TNR: variants seen among roughly 807,000 people sequenced by gnomAD.
TNR encodes tenascin-R.
A neutral mutation model predicts 150.4 loss-of-function variants in TNR; 45 were observed. That is an observed-to-expected ratio of 0.30 (90% CI 0.24 to 0.38). The LOEUF (loss-of-function observed/expected upper bound fraction) is 0.38. Ranked by LOEUF, TNR falls within the 10% of genes least tolerant of loss-of-function variation. TNR has a pLI of 1.00. For missense variants in TNR, 1,544 were observed against 1,759.1 expected, an observed-to-expected ratio of 0.88 and a Z score of 2.19; for synonymous variants, 687 against 678.4, an observed-to-expected ratio of 1.01 and a Z score of -0.20.
At chr1:175,472,314 CT>C (rs1368998712) in intron 2 of TNR, among the ~76,000 whole-genome samples, 1 of 152,080 alleles carries the variant, frequency 6.6e-6, no homozygotes, top group Admixed American at 6.5e-5. Context: ...TAGAATCCTC[CT>C]GAAGGACCGG....
rs968187882 is a variant in TNR at position 175,323,131 on chromosome 1, G to T, written c.*226C>A. The T allele has an allele frequency of 1.7e-5, 8 of 466,268 alleles. No homozygotes were observed. The highest frequency in any genetic ancestry group is 3.0e-5 in the Non-Finnish European group (8 of 270,624). 28.9% of individuals were successfully genotyped at this position (466,268 alleles called of 1,614,324 possible). A position where few individuals can be genotyped will look rare whatever the true frequency, so the allele number is the denominator to read the frequency against. ...CTCCTTGGTGGGAAAGGAGGTGAAG[G>T]TTGAGGAGGCCTGGGTAGGAGGGAG... On this transcript the variant is annotated 3_prime_UTR_variant, in exon 23 of 23. Coordinates refer to ENST00000367674, the MANE Select transcript of TNR (RefSeq NM_003285.3).
intron 2 of TNR, among the ~76,000 whole-genome samples, chr1:175,412,985 G>A (rs1425708046): frequency 6.6e-6 from 1 of 151,976 alleles, no homozygotes; most frequent in Non-Finnish European, 1.5e-5. Flanking sequence ...CTTCTGTATT[G>A]CAAAGAATGC....
chr1:175,614,563 C>T (rs1198123215), intron 1 of TNR, among the ~76,000 whole-genome samples: 1 of 152,192 alleles, frequency 6.6e-6, no homozygotes, highest in African/African-American at 2.4e-5. Context: ...TATTTCATCC[C>T]TCCTTTCTGG....
At chr1:175,464,747 C>T (rs768540044) in intron 2 of TNR, among the ~76,000 whole-genome samples, 4 of 152,168 alleles carry the variant, frequency 2.6e-5, no homozygotes, top group African/African-American at 2.4e-5. Context: ...AGAAAATGCT[C>T]GTTCTAATAG....
At chr1:175,460,990 T>A (rs1169698753) in intron 2 of TNR, among the ~76,000 whole-genome samples, 1 of 152,220 alleles carries the variant, frequency 6.6e-6, no homozygotes, top group East Asian at 1.9e-4. Context: ...CACATGTATG[T>A]GCACACACTG....
At chr1:175,658,278 T>G (rs1316799356) in intron 1 of TNR, among the ~76,000 whole-genome samples, 1 of 152,074 alleles carries the variant, frequency 6.6e-6, no homozygotes, top group African/African-American at 2.4e-5. Context: ...TTTGACTTTA[T>G]GGGGAGAAGA....
intron 1 of TNR, among the ~76,000 whole-genome samples, chr1:175,580,706 T>A (rs974794988): frequency 2.0e-5 from 3 of 152,238 alleles, no homozygotes; most frequent in Admixed American, 6.5e-5. Flanking sequence ...CATGATATTT[T>A]CACGTAATCT....
At position 175,631,602 on chromosome 1, in the gene TNR, C is replaced by A. The variant is rs192997685; in HGVS notation, c.-164-103233G>T. 1.0e-3 allele frequency among the ~76,000 whole-genome samples: 154 copies of A among 152,188 alleles called. 2 individuals carry two copies. Among genetic ancestry groups the A allele is most frequent in the African/African-American group, 3.3e-3 (136 of 41,506 alleles). On this transcript the variant is annotated intron_variant, in intron 1 of 22. Transcript: ENST00000367674. ...AGCTAAAAGATTGAACACCTGTGGC[C>A]TATATATTGGGGGTCAGTTTGCAGG...
At chr1:175,705,719 C>A (rs1666829457) in intron 1 of TNR, among the ~76,000 whole-genome samples, 1 of 152,030 alleles carries the variant, frequency 6.6e-6, no homozygotes, top group African/African-American at 2.4e-5. Flanking sequence ...TTCAGCAAGA[C>A]TTTTAAAATA....
In TNR at chr1:175,740,746, G is replaced by A. The variant is rs551673998; in HGVS notation, c.-165+2480C>T. ...TCTAGTGGTTCTATAGGTGGTCAGAGCCCAGCCCTCTCCTGCTCCTTAGTC... is the reference window on the plus strand; with the variant it reads ...TCTAGTGGTTCTATAGGTGGTCAGAACCCAGCCCTCTCCTGCTCCTTAGTC... On this transcript the variant is annotated intron_variant, in intron 1 of 22. Coordinates refer to ENST00000367674, the MANE Select transcript of TNR (RefSeq NM_003285.3). Among the ~76,000 whole-genome samples the A allele has an allele frequency of 1.9e-4, 29 of 152,286 alleles. No homozygotes were observed. The South Asian group carries it at 4.6e-3, about 24-fold the overall frequency.
chr1:175,712,378 T>C (rs1571779188), intron 1 of TNR, among the ~76,000 whole-genome samples: 1 of 152,058 alleles, frequency 6.6e-6, no homozygotes, highest in Admixed American at 6.5e-5. Flanking sequence ...AATAGGATGG[T>C]TTGAGACCAG....
chr1:175,630,158 T>G (rs542018472), intron 1 of TNR, among the ~76,000 whole-genome samples: 67 of 152,200 alleles, frequency 4.4e-4, no homozygotes, highest in African/African-American at 1.5e-3. Context: ...GGCTCCATGC[T>G]GAAAAAATAT....
chr1:175,482,178 G>C (rs916529758), intron 2 of TNR, among the ~76,000 whole-genome samples: 3 of 152,240 alleles, frequency 2.0e-5, no homozygotes, highest in Non-Finnish European at 4.4e-5. Flanking sequence ...TTGAATGAAA[G>C]AACGAGTGAA....
intron 1 of TNR, among the ~76,000 whole-genome samples, chr1:175,576,934 C>T (rs1358298303): frequency 6.6e-6 from 1 of 152,196 alleles, no homozygotes; most frequent in Non-Finnish European, 1.5e-5. Flanking sequence ...GTTTTCCCAT[C>T]ACTGGACTCT....
At chr1:175,520,964 T>A (rs1213741362) in intron 2 of TNR, among the ~76,000 whole-genome samples, 4 of 152,194 alleles carry the variant, frequency 2.6e-5, no homozygotes, top group African/African-American at 9.7e-5. Flanking sequence ...CCTACCTTTC[T>A]GAAGGGAAAT....
At chr1:175,694,343 C>G (rs1666452186) in intron 1 of TNR, among the ~76,000 whole-genome samples, 2 of 152,200 alleles carry the variant, frequency 1.3e-5, no homozygotes, top group African/African-American at 4.8e-5. Context: ...CATTCAGTGT[C>G]TCTAGCCAGA....
At chr1:175,340,159 C>T (rs776235979) in intron 18 of TNR, among the ~76,000 whole-genome samples, 13 of 152,138 alleles carry the variant, frequency 8.5e-5, no homozygotes, top group Non-Finnish European at 1.6e-4. Flanking sequence ...CCAGATTACA[C>T]CCTGGGAGAG....
At chr1:175,698,405 T>C (rs1666592385) in intron 1 of TNR, among the ~76,000 whole-genome samples, 1 of 151,726 alleles carries the variant, frequency 6.6e-6, no homozygotes, top group Non-Finnish European at 1.5e-5. Context: ...GGGCTCTATA[T>C]AGAGGGGACA....
At chr1:175,509,313 T>G (rs1316326695) in intron 2 of TNR, among the ~76,000 whole-genome samples, 1 of 152,220 alleles carries the variant, frequency 6.6e-6, no homozygotes, top group African/African-American at 2.4e-5. Flanking sequence ...GAACTCTTTT[T>G]GCAGCACTGA....
Sources: allele counts gnomAD v4.1 joint callset (sites outside exome capture counted in the v4.1 genomes callset), GRCh38; gene constraint gnomAD v4.1.1; transcripts MANE v1.5; gene names NCBI Gene and HGNC (gene_info 2026-07-23, HGNC 2026-07-21).